TLN2: variants seen among roughly 807,000 people sequenced by gnomAD.
TLN2 encodes talin-2.
In TLN2, 118 loss-of-function variants were observed where a neutral mutation model predicts 294.7. The observed-to-expected ratio is 0.40, with a 90% confidence interval of 0.34 to 0.47. The LOEUF (loss-of-function observed/expected upper bound fraction) is 0.47, where lower values mean the gene tolerates loss of function less well. TLN2 is among the 20% of genes least tolerant of loss of function. TLN2 has a pLI of 0.84. For missense variants in TLN2, 3,083 were observed against 3,282.2 expected, an observed-to-expected ratio of 0.94 and a Z score of 1.48; for synonymous variants, 1,431 against 1,304.5, an observed-to-expected ratio of 1.10 and a Z score of -2.09.
At chr15:62,473,817 G>C (rs2037627219) in intron 1 of TLN2, among the ~76,000 whole-genome samples, 1 of 152,206 alleles carries the variant, frequency 6.6e-6, no homozygotes, top group Non-Finnish European at 1.5e-5. Flanking sequence ...TACAGGGCCG[G>C]GCATGGTGGC....
At chr15:62,599,844 C>T (rs1473554515) in intron 2 of TLN2, among the ~76,000 whole-genome samples, 1 of 152,182 alleles carries the variant, frequency 6.6e-6, no homozygotes, top group South Asian at 2.1e-4. Flanking sequence ...CCCTGTTGGC[C>T]ACTCTTGTCA....
intron 1 of TLN2, among the ~76,000 whole-genome samples, chr15:62,536,461 G>A (rs1404114041): frequency 6.6e-6 from 1 of 152,216 alleles, no homozygotes; most frequent in African/African-American, 2.4e-5. Context: ...AGGAATCCAA[G>A]AACAGGACTA....
chr15:62,473,027 A>T (rs1595886291), intron 1 of TLN2, among the ~76,000 whole-genome samples: 1 of 152,220 alleles, frequency 6.6e-6, no homozygotes, highest in African/African-American at 2.4e-5. Flanking sequence ...CACAGGAAAT[A>T]GGCCTGCAGG....
intron 52 of TLN2, among the ~76,000 whole-genome samples, chr15:62,812,062 G>A (rs980063207): frequency 6.0e-5 from 7 of 116,802 alleles, no homozygotes; most frequent in Non-Finnish European, 9.1e-5. Flanking sequence ...AATAAAATCT[G>A]CCACTGGGAA....
In TLN2 at chr15:62,738,226, G is replaced by T. The variant is rs369431778; in HGVS notation, c.3580G>T (p.Val1194Phe). ...QQRLAQVAKA[V>F]SHSLNNCVNC... is the part of the protein sequence containing the mutation. Reference sequence around the variant, plus strand: ...TCCACGAATTCAGGTGGCTAAAGCCGTCTCACACTCCTTGAATAACTGCGT... The same window carrying T: ...TCCACGAATTCAGGTGGCTAAAGCCTTCTCACACTCCTTGAATAACTGCGT... The change falls in exon 30 of 59, where the codon GTC becomes TTC. Residue 1194 changes from valine (V) to phenylalanine (F), a missense_variant. By Grantham distance (50) the Val-to-Phe change is conservative. Transcript: ENST00000636159. The T allele has an allele frequency of 6.2e-7, 1 of 1,613,704 alleles. No homozygotes were observed. The highest frequency in any genetic ancestry group is 8.5e-7 in the Non-Finnish European group (1 of 1,179,854).
At chr15:62,639,146 C>G (rs975979649) in intron 3 of TLN2, among the ~76,000 whole-genome samples, 2 of 152,150 alleles carry the variant, frequency 1.3e-5, no homozygotes, top group African/African-American at 2.4e-5. Context: ...ACAGAGATGA[C>G]TCCATTGATG....
intron 1 of TLN2, among the ~76,000 whole-genome samples, chr15:62,473,782 C>T (rs897737963): frequency 6.6e-6 from 1 of 152,174 alleles, no homozygotes; most frequent in African/African-American, 2.4e-5. Context: ...GGTTGCCATT[C>T]ACAACTGCAT....
At chr15:62,680,826 T>C (rs1202357208) in intron 11 of TLN2, among the ~76,000 whole-genome samples, 2 of 152,158 alleles carry the variant, frequency 1.3e-5, no homozygotes, top group East Asian at 1.9e-4. Flanking sequence ...TGAGAGCATA[T>C]GGTTTTTGGT....
chr15:62,608,757 G>A (rs1256411305), intron 2 of TLN2, among the ~76,000 whole-genome samples: 1 of 152,076 alleles, frequency 6.6e-6, no homozygotes, highest in African/African-American at 2.4e-5. Context: ...GATAAGGGGT[G>A]CAAGGGAGAG....
intron 1 of TLN2, among the ~76,000 whole-genome samples, chr15:62,435,715 T>C (rs1216502181): frequency 1.3e-5 from 2 of 152,116 alleles, no homozygotes; most frequent in Non-Finnish European, 2.9e-5. Flanking sequence ...CTAATTTTTG[T>C]ATTTTTAGTA....
chr15:62,666,637 A>G (rs2054686130), intron 9 of TLN2, among the ~76,000 whole-genome samples: 1 of 152,242 alleles, frequency 6.6e-6, no homozygotes, highest in Non-Finnish European at 1.5e-5. Context: ...CAAACTGACT[A>G]ACAAGCTGTT....
chr15:62,567,527 C>T (rs984197477), intron 1 of TLN2, among the ~76,000 whole-genome samples: 2 of 152,144 alleles, frequency 1.3e-5, no homozygotes, highest in Admixed American at 1.3e-4. Context: ...AAGGCGATGG[C>T]ATTGCTGAGA....
At chr15:62,698,153 G>A (rs566803102) in intron 15 of TLN2, among the ~76,000 whole-genome samples, 1 of 152,202 alleles carries the variant, frequency 6.6e-6, no homozygotes, top group Non-Finnish European at 1.5e-5. Flanking sequence ...GATTGGGCCA[G>A]ATACCCCTAG....
intron 1 of TLN2, among the ~76,000 whole-genome samples, chr15:62,444,543 CT>C (rs548661291): frequency 8.4e-4 from 128 of 152,306 alleles, no homozygotes; most frequent in Non-Finnish European, 1.2e-3. Flanking sequence ...TTTCTTAGTC[CT>C]TTTGCCTTTG....
intron 1 of TLN2, among the ~76,000 whole-genome samples, chr15:62,478,348 T>C (rs2037899849): frequency 6.6e-6 from 1 of 152,136 alleles, no homozygotes; most frequent in South Asian, 2.1e-4. Context: ...CCTAGGTTAT[T>C]TGTTACTTTC....
chr15:62,610,162 G>A (rs1412630722), intron 2 of TLN2, among the ~76,000 whole-genome samples: 1 of 152,200 alleles, frequency 6.6e-6, no homozygotes, highest in Non-Finnish European at 1.5e-5. Flanking sequence ...TATGCTCTTT[G>A]CTATTGGATG....
At chr15:62,440,168 T>C (rs563177838) in intron 1 of TLN2, among the ~76,000 whole-genome samples, 2 of 152,364 alleles carry the variant, frequency 1.3e-5, no homozygotes, top group South Asian at 4.1e-4. Context: ...CTCCTCGATC[T>C]CGTGGTCTTC....
intron 37 of TLN2, among the ~76,000 whole-genome samples, chr15:62,759,029 G>A (rs943810547): frequency 1.1e-4 from 16 of 152,228 alleles, no homozygotes; most frequent in Admixed American, 9.8e-4. Context: ...ACTTGGAGCA[G>A]GCTCCGGGCT....
chr15:62,524,063 C>CT (rs2040605711), intron 1 of TLN2, among the ~76,000 whole-genome samples: 1 of 152,216 alleles, frequency 6.6e-6, no homozygotes, highest in Admixed American at 6.5e-5. Flanking sequence ...GTGGGAACCA[C>CT]TATCTGCTTC....
Sources: allele counts gnomAD v4.1 joint callset (sites outside exome capture counted in the v4.1 genomes callset), GRCh38; gene constraint gnomAD v4.1.1; transcripts MANE v1.5; gene names NCBI Gene and HGNC (gene_info 2026-07-23, HGNC 2026-07-21).